The following NLGN4X variants were observed in gnomAD, a reference collection of about 807,000 sequenced individuals.
The protein encoded by NLGN4X is neuroligin-4, X-linked.
In NLGN4X, 3 loss-of-function variants were observed where a neutral mutation model predicts 40.3. That is an observed-to-expected ratio of 0.07 (90% CI 0.03 to 0.19). The LOEUF is 0.19. Among genes scored for constraint, NLGN4X ranks in the 10% least tolerant of loss-of-function variants. The pLI is 1.00. For missense variants in NLGN4X, 382 were observed against 708.3 expected, an observed-to-expected ratio of 0.54 and a Z score of 5.23; for synonymous variants, 270 against 306.8, an observed-to-expected ratio of 0.88 and a Z score of 1.25.
Position 5,903,334 on chromosome X carries a change from C to G in NLGN4X, c.1344G>C (p.Gln448His). The change falls in exon 5 of 6, where the codon CAG (glutamine) becomes CAC (histidine). Residue 448 changes from glutamine to histidine, a missense_variant. Physicochemically the swap from Gln to His is conservative, Grantham distance 24 (BLOSUM62 0). Coordinates refer to ENST00000381095, the MANE Select transcript of NLGN4X (RefSeq NM_181332.3). Reference protein sequence around the residue: ...KTLVALFTDHQWVAPAVATAD... With the variant: ...KTLVALFTDHHWVAPAVATAD... The stretch of plus-strand genomic sequence containing the variant: ...CGGTGGCCACGGCGGGGGCCACCCA[C>G]TGGTGGTCAGTAAAGAGAGCCACCA... The G allele has an allele frequency of 8.3e-7, 1 of 1,211,895 alleles. No homozygotes were observed.
Position 6,115,534 on chromosome X carries a change from C to T in NLGN4X, c.472+35461G>A, listed in dbSNP as rs765064897. Reference sequence around the variant, plus strand: ...CAAGCCCTAGCATCCCACTGAGGGACGAGAAGGTAAAGTTGGCATGGTAGA... The same window carrying T: ...CAAGCCCTAGCATCCCACTGAGGGATGAGAAGGTAAAGTTGGCATGGTAGA... On this transcript the variant is annotated intron_variant, in intron 2 of 5. Transcript: ENST00000381095. 4.5e-5 allele frequency among the ~76,000 whole-genome samples: 5 copies of T among 111,281 alleles called. No homozygotes were observed. The South Asian group carries it at 1.5e-3, about 34-fold the overall frequency.
intron 3 of NLGN4X, among the ~76,000 whole-genome samples, chrX:5,970,096 C>T: frequency 9.1e-6 from 1 of 109,383 alleles, no homozygotes. Flanking sequence ...CTGGGTGCAG[C>T]ACACCAAAAT....
intron 2 of NLGN4X, among the ~76,000 whole-genome samples, chrX:6,094,459 A>G (rs1201038764): frequency 9.1e-6 from 1 of 110,413 alleles, no homozygotes; most frequent in African/African-American, 3.3e-5. Flanking sequence ...CCCACTGTTA[A>G]TGTTTTTCCC....
rs189834385 is a variant in NLGN4X, at chrX:6,115,692, G to A, written c.472+35303C>T. The stretch of plus-strand genomic sequence containing the variant: ...CGTGGAGGCAAAAAACACATAGATG[G>A]ATGCTTTCTGTAGTGGGAGAAATGT... On this transcript the variant is annotated intron_variant, in intron 2 of 5. Coordinates refer to ENST00000381095, the MANE Select transcript of NLGN4X (RefSeq NM_181332.3). Among the ~76,000 whole-genome samples the A allele has an allele frequency of 2.4e-3, 269 of 112,032 alleles. 3 individuals are homozygous for A. The highest frequency in any genetic ancestry group is 7.8e-3 in the African/African-American group (240 of 30,826).
chrX:6,045,925 A>G (rs904579557), intron 2 of NLGN4X, among the ~76,000 whole-genome samples: 2 of 111,845 alleles, frequency 1.8e-5, no homozygotes, highest in African/African-American at 3.2e-5. Context: ...TCACTCCTGC[A>G]TATGACTATC....
intron 5 of NLGN4X, among the ~76,000 whole-genome samples, chrX:5,901,242 C>T (rs2031844948): frequency 8.9e-6 from 1 of 112,353 alleles, no homozygotes; most frequent in Non-Finnish European, 1.9e-5. Context: ...GGCATTGAAA[C>T]CACCAGCATC....
At chrX:5,988,265 T>A (rs147439460) in intron 3 of NLGN4X, among the ~76,000 whole-genome samples, 38 of 111,936 alleles carry the variant, frequency 3.4e-4, no homozygotes, top group African/African-American at 1.2e-3. Flanking sequence ...TCCTCAGGTC[T>A]ATAGCATTGT....
intron 2 of NLGN4X, among the ~76,000 whole-genome samples, chrX:6,124,942 G>A (rs190865815): frequency 2.7e-5 from 3 of 111,773 alleles, no homozygotes; most frequent in Admixed American, 9.5e-5. Flanking sequence ...ATATTCTATC[G>A]GTCAACAGAA....
At chrX:6,100,043 T>G (rs1158719983) in intron 2 of NLGN4X, among the ~76,000 whole-genome samples, 1 of 112,385 alleles carries the variant, frequency 8.9e-6, no homozygotes, top group African/African-American at 3.2e-5. Context: ...AGCATTGTTT[T>G]TATAGATTAT....
chrX:6,132,318 T>C (rs2039697415), intron 2 of NLGN4X, among the ~76,000 whole-genome samples: 1 of 111,512 alleles, frequency 9.0e-6, no homozygotes, highest in Non-Finnish European at 1.9e-5. Flanking sequence ...TCTCCAGACA[T>C]TGCTGACACC....
chrX:6,179,316 T>C lies in NLGN4X; in HGVS notation c.-305-27545A>G, dbSNP rs1164835554. Among the ~76,000 whole-genome samples, 5 of 111,499 alleles carry C rather than the reference T, an allele frequency of 4.5e-5. No individual in the cohort carries two copies. The East Asian group carries it at 1.4e-3, about 32-fold the overall frequency. On this transcript the variant is annotated intron_variant, in intron 1 of 5. Coordinates refer to ENST00000381095, the MANE Select transcript of NLGN4X (RefSeq NM_181332.3). ...ACACCATCATGAGGAAAAAGAGGCA[T>C]ATTTTGTTCACAAAAGTTAGAAAAT...
At chrX:6,108,990 A>G (rs1321310171) in intron 2 of NLGN4X, among the ~76,000 whole-genome samples, 1 of 111,696 alleles carries the variant, frequency 9.0e-6, no homozygotes, top group African/African-American at 3.3e-5. Context: ...GGCCAAGCAC[A>G]GTGGCTGGCA....
At chrX:5,904,000 G>C in intron 4 of NLGN4X, 134 bp from the exon 5 acceptor site, 1 of 793,933 alleles carries the variant, frequency 1.3e-6, no homozygotes, top group Non-Finnish European at 1.9e-6. Flanking sequence ...GCTCTGTCAG[G>C]GGCCCTTTTA....
At chrX:5,948,841 T>A (rs1394095653) in intron 3 of NLGN4X, among the ~76,000 whole-genome samples, 1 of 112,010 alleles carries the variant, frequency 8.9e-6, no homozygotes, top group Non-Finnish European at 1.9e-5. Flanking sequence ...AAGTTCTCTC[T>A]TGAGATCTCC....
chrX:5,976,570 C>A (rs888840175), intron 3 of NLGN4X, among the ~76,000 whole-genome samples: 3 of 112,068 alleles, frequency 2.7e-5, no homozygotes, highest in African/African-American at 9.7e-5. Flanking sequence ...GTTAATGTGT[C>A]TTTCTGCTCT....
intron 3 of NLGN4X, among the ~76,000 whole-genome samples, chrX:5,963,950 T>C (rs1222704455): frequency 8.9e-6 from 1 of 112,608 alleles, no homozygotes; most frequent in Non-Finnish European, 1.9e-5. Flanking sequence ...TAGTACTTTA[T>C]TGTACATTCA....
At position 6,072,895 on chromosome X, in the gene NLGN4X, A is replaced by G. The variant is rs550595568; in HGVS notation, c.473-43463T>C. 5.3e-5 allele frequency among the ~76,000 whole-genome samples: 6 copies of G among 112,339 alleles called. No homozygotes were observed. In the South Asian group the frequency reaches 1.5e-3, roughly 28 times the overall value. On this transcript the variant is annotated intron_variant, in intron 2 of 5. Transcript: ENST00000381095. ...AGACCAGCAGCCCGAATTAAGTCCA[A>G]GCTCTTTACTGCCATATTCATTGTA...
At chrX:6,065,373 A>G (rs868650113) in intron 2 of NLGN4X, among the ~76,000 whole-genome samples, 75 of 105,646 alleles carry the variant, frequency 7.1e-4, no homozygotes, top group Non-Finnish European at 8.8e-4. Flanking sequence ...AAAAAAAAAA[A>G]GAAAAGAAAA....
At chrX:6,219,519 GCTT>G (rs1266624373) in intron 1 of NLGN4X, among the ~76,000 whole-genome samples, 3 of 92,240 alleles carry the variant, frequency 3.3e-5, no homozygotes, top group Non-Finnish European at 6.3e-5. Context: ...CTCCCTCCCT[GCTT>G]CCTTTCTTCC....
Sources: allele counts gnomAD v4.1 joint callset (sites outside exome capture counted in the v4.1 genomes callset), GRCh38; gene constraint gnomAD v4.1.1; transcripts MANE v1.5; gene names NCBI Gene and HGNC (gene_info 2026-07-23, HGNC 2026-07-21).